IQSEC1: variants seen among roughly 807,000 people sequenced by gnomAD.
IQSEC1 encodes the protein IQ motif and Sec7 domain ArfGEF 1.
In IQSEC1, 31 loss-of-function variants were observed where a neutral mutation model predicts 91.0. That is an observed-to-expected ratio of 0.34 (90% confidence interval 0.26 to 0.46). The LOEUF (loss-of-function observed/expected upper bound fraction) is 0.46. Among genes scored for constraint, IQSEC1 ranks in the 20% least tolerant of loss-of-function variants. The pLI, the probability that IQSEC1 is intolerant of heterozygous loss-of-function variation, is 1.00. For synonymous variants in IQSEC1, 699 were observed against 662.6 expected, an observed-to-expected ratio of 1.05 and a Z score of -0.84; for missense variants, 1,388 against 1,575.6, an observed-to-expected ratio of 0.88 and a Z score of 2.02.
At chr3:13,108,409 T>C (rs893468954) in intron 2 of IQSEC1, among the ~76,000 whole-genome samples, 1 of 152,172 alleles carries the variant, frequency 6.6e-6, no homozygotes, top group East Asian at 1.9e-4. Context: ...GGTGGAAACA[T>C]GTGGCCATTT....
intron 1 of IQSEC1, among the ~76,000 whole-genome samples, chr3:13,204,728 T>C (rs1265402943): frequency 6.6e-6 from 1 of 151,668 alleles, no homozygotes; most frequent in Non-Finnish European, 1.5e-5. Flanking sequence ...TCTATCTCTT[T>C]CTTTCTATCT....
chr3:13,098,071 G>A (rs1415763072), intron 2 of IQSEC1, among the ~76,000 whole-genome samples: 2 of 152,250 alleles, frequency 1.3e-5, no homozygotes, highest in Non-Finnish European at 2.9e-5. Context: ...TGTCTGTCCT[G>A]CCCTGTGCTG....
chr3:12,947,524 C>G (rs1699264999), intron 1 of IQSEC1, among the ~76,000 whole-genome samples: 1 of 152,060 alleles, frequency 6.6e-6, no homozygotes, highest in African/African-American at 2.4e-5. Context: ...ATGGAGGAGT[C>G]TTGCTCTGTG....
chr3:13,257,456 T>C (rs1695310402), intron 1 of IQSEC1, among the ~76,000 whole-genome samples: 1 of 147,990 alleles, frequency 6.8e-6, no homozygotes, highest in African/African-American at 2.6e-5. Flanking sequence ...CCTAGCTGAG[T>C]TGAACACATC....
intron 2 of IQSEC1, among the ~76,000 whole-genome samples, chr3:13,111,515 C>A (rs1256339017): frequency 6.6e-6 from 1 of 152,210 alleles, no homozygotes; most frequent in Non-Finnish European, 1.5e-5. Flanking sequence ...GGGTAAGCAC[C>A]TGACCCCTGG....
At chr3:13,225,730 G>A (rs551157957) in intron 1 of IQSEC1, among the ~76,000 whole-genome samples, 10 of 152,294 alleles carry the variant, frequency 6.6e-5, no homozygotes, top group East Asian at 1.9e-4. Context: ...ATATCCACAG[G>A]ACAATGGAAG....
intron 1 of IQSEC1, among the ~76,000 whole-genome samples, chr3:12,978,573 C>T (rs924305330): frequency 6.6e-5 from 10 of 151,908 alleles, no homozygotes; most frequent in African/African-American, 2.2e-4. Context: ...GGGCGTGGGG[C>T]GGGTGCCTGT....
chr3:13,077,960 C>T (rs750597182), upstream of IQSEC1, among the ~76,000 whole-genome samples: 8 of 152,234 alleles, frequency 5.3e-5, no homozygotes, highest in East Asian at 1.9e-4. Context: ...GGGCTGGCAT[C>T]GGTCCCCACT....
intron 1 of IQSEC1, among the ~76,000 whole-genome samples, chr3:12,965,433 A>G (rs974928735): frequency 6.6e-6 from 1 of 152,250 alleles, no homozygotes; most frequent in African/African-American, 2.4e-5. Context: ...CCACAGGCCA[A>G]GGACTGGGTT....
chr3:13,223,120 C>T (rs527660954), intron 1 of IQSEC1, among the ~76,000 whole-genome samples: 6 of 152,320 alleles, frequency 3.9e-5, no homozygotes, highest in East Asian at 3.9e-4. Context: ...CCGGCTTGCC[C>T]GGCCAGTGGG....
At chr3:13,133,639 G>A (rs921308846) in intron 2 of IQSEC1, among the ~76,000 whole-genome samples, 24 of 152,352 alleles carry the variant, frequency 1.6e-4, no homozygotes, top group Admixed American at 5.2e-4. Flanking sequence ...CGGTTGCACC[G>A]AGTCACACGG....
At chr3:13,246,309 A>G (rs1436806922) in intron 1 of IQSEC1, among the ~76,000 whole-genome samples, 1 of 152,164 alleles carries the variant, frequency 6.6e-6, no homozygotes, top group Non-Finnish European at 1.5e-5. Context: ...TGGAGTAGCC[A>G]AAGCCATAGG....
At position 12,899,526 on chromosome 3, in the gene IQSEC1, G is replaced by A. The variant is rs758580212; in HGVS notation, c.*1457C>T. 1.4e-5 allele frequency: 22 copies of A among 1,535,888 alleles called. No individual in the cohort carries two copies. The highest frequency in any genetic ancestry group is 1.9e-5 in the Non-Finnish European group (22 of 1,134,478). ...CGCATGGTGTCACCACAACACAGAA[G>A]CGACAAGAGCACAGCTGAGAGTCAT... On this transcript the variant is annotated 3_prime_UTR_variant, in exon 14 of 14. Coordinates refer to ENST00000613206, the MANE Select transcript of IQSEC1 (RefSeq NM_001134382.3).
intron 1 of IQSEC1, among the ~76,000 whole-genome samples, chr3:13,192,337 CA>C (rs540610255): frequency 0.21 from 20,080 of 94,840 alleles, 1,296 homozygotes; most frequent in East Asian, 0.38. Flanking sequence ...GACTCTGTCT[CA>C]AAAAAAAAAA....
chr3:12,969,749 C>A (rs907466123), intron 1 of IQSEC1, among the ~76,000 whole-genome samples: 1 of 152,200 alleles, frequency 6.6e-6, no homozygotes, highest in African/African-American at 2.4e-5. Context: ...GGCCCTGCCG[C>A]CCAGCAGGAT....
At chr3:13,133,501 A>G (rs1013561951) in intron 2 of IQSEC1, among the ~76,000 whole-genome samples, 2 of 152,198 alleles carry the variant, frequency 1.3e-5, no homozygotes, top group Admixed American at 1.3e-4. Flanking sequence ...ACAAACCTGC[A>G]GCATCTCCCT....
chr3:13,128,174 C>T (rs555428931), intron 2 of IQSEC1, among the ~76,000 whole-genome samples: 4 of 152,256 alleles, frequency 2.6e-5, no homozygotes, highest in South Asian at 2.1e-4. Flanking sequence ...CTTGACTTAC[C>T]GCTCTGTCTA....
intron 1 of IQSEC1, chr3:13,053,120 C>T (rs1704749992): frequency 2.3e-6 from 2 of 860,980 alleles, no homozygotes; most frequent in Non-Finnish European, 4.0e-6. Context: ...TGTGAGAAGA[C>T]ATGGCGAGAA....
rs368428333 is a variant in IQSEC1 at position 12,936,346 on chromosome 3, C to T, written c.670G>A (p.Glu224Lys). 4.9e-5 allele frequency: 78 copies of T among 1,606,078 alleles called. No individual in the cohort carries two copies. Among genetic ancestry groups the T allele is most frequent in the Admixed American group, 8.4e-5 (5 of 59,786 alleles). ...PSSDFADAIT[E>K]LEDAFSRQVK... ...TGCCTAGAGAAGGCGTCCTCCAGCT[C>T]GGTGATGGCGTCCGCAAAGTCACTG... Residue 224 changes from glutamate (E) to lysine (K), a missense_variant, in exon 3 of 14, where the codon GAG becomes AAG. Physicochemically the swap from Glu to Lys is moderately conservative, Grantham distance 56. Transcript: ENST00000613206.
Sources: gnomAD v4.1 joint callset for allele counts (sites outside exome capture counted in the v4.1 genomes callset) on GRCh38, gnomAD v4.1.1 for gene constraint, MANE v1.5 for transcripts, NCBI Gene and HGNC (gene_info 2026-07-23, HGNC 2026-07-21) for gene names.